The following CBLC variants were observed in gnomAD, a reference collection of about 807,000 sequenced individuals.
CBLC encodes the protein Cbl proto-oncogene C.
CBLC carries 46 observed loss-of-function variants against 58.6 expected under a neutral mutation model. That is an observed-to-expected ratio of 0.79 (90% CI 0.62 to 1.00). The LOEUF is 1.00. Among genes scored for constraint, CBLC ranks in the 50% least tolerant of loss-of-function variants. CBLC has a pLI of 0.00. For missense variants in CBLC, 655 were observed against 625.8 expected, an observed-to-expected ratio of 1.05 and a Z score of -0.50; for synonymous variants, 271 against 264.2, an observed-to-expected ratio of 1.03 and a Z score of -0.25.
rs538186534 is a variant in CBLC, at chr19:44,778,334, GC to G, written c.353+51del. ...TCCTCTGGGGTGAGGCCCAGGTCTT[GC>G]TCCCAGCCCCTCCTCCCCCAGACCC... On this transcript the variant is annotated intron_variant, in intron 1 of 10. Transcript: ENST00000647358. 4.2e-4 allele frequency: 576 copies of G among 1,357,006 alleles called. 4 individuals carry two copies. In the East Asian group the frequency reaches 5.8e-3, roughly 14 times the overall value. 84.1% of individuals were successfully genotyped at this position (1,357,006 alleles called of 1,614,324 possible). A position where few individuals can be genotyped will look rare whatever the true frequency, so the allele number is the denominator to read the frequency against.
chr19:44,793,764 CTCTGAG>C lies in CBLC; in HGVS notation c.1284+148_1284+153del. 11 of 731,998 alleles carry C rather than the reference CTCTGAG, an allele frequency of 1.5e-5. No individual in the cohort carries two copies. In the South Asian group the frequency reaches 1.6e-4, roughly 11 times the overall value. 45.3% of individuals were successfully genotyped at this position (731,998 alleles called of 1,614,324 possible). A position where few individuals can be genotyped will look rare whatever the true frequency, so the allele number is the denominator to read the frequency against. ...GAGGGAAGAGGGGTTGGAGCCTGTA[CTCTGAG>C]TCTAAGGGAGGAGGGCTGGGGGTCC... On this transcript the variant is annotated intron_variant, in intron 8 of 10. Transcript: ENST00000647358.
At chr19:44,788,135 G>C (rs1294281718) in intron 5 of CBLC, among the ~76,000 whole-genome samples, 1 of 151,028 alleles carries the variant, frequency 6.6e-6, no homozygotes, top group Non-Finnish European at 1.5e-5. Context: ...TTTTTTTTCT[G>C]TGACAGGGTC....
intron 6 of CBLC, among the ~76,000 whole-genome samples, chr19:44,792,027 C>G (rs61047334): frequency 0.016 from 2,363 of 147,582 alleles, 48 homozygotes; most frequent in East Asian, 0.076. Context: ...GAGTTTTGCT[C>G]TTGTTACCCA....
chr19:44,786,113 A>G (rs1303682720), intron 5 of CBLC, among the ~76,000 whole-genome samples: 1 of 151,874 alleles, frequency 6.6e-6, no homozygotes, highest in Non-Finnish European at 1.5e-5. Context: ...TATAGTAATT[A>G]TCTTCTATAA....
intron 5 of CBLC, among the ~76,000 whole-genome samples, chr19:44,787,603 A>C (rs1039925338): frequency 9.9e-5 from 15 of 150,858 alleles, no homozygotes; most frequent in African/African-American, 3.7e-4. Flanking sequence ...GATCACCTGA[A>C]GTCAGGAGTT....
Position 44,800,551 on chromosome 19 carries a change from G to A in CBLC, c.*8G>A, listed in dbSNP as rs1221252298. Reference sequence around the variant, plus strand: ...AACCCACCCCTCTCTCCGCCTACAGGGCACCCAGATGTGCTGCTCAAGGGA... The same window carrying A: ...AACCCACCCCTCTCTCCGCCTACAGAGCACCCAGATGTGCTGCTCAAGGGA... On this transcript the variant is annotated splice_region_variant and 3_prime_UTR_variant, in exon 11 of 11. Coordinates refer to ENST00000647358, the MANE Select transcript of CBLC (RefSeq NM_012116.4). 2 of 708,024 alleles carry A rather than the reference G, an allele frequency of 2.8e-6. No individual in the cohort carries two copies. The highest frequency in any genetic ancestry group is 4.8e-6 in the Non-Finnish European group (2 of 414,222). The allele number at this position is 708,024 out of a possible 1,614,324, so 43.9% of individuals were successfully genotyped here. A position where few individuals can be genotyped will look rare whatever the true frequency, so the allele number is the denominator to read the frequency against.
intron 7 of CBLC, 133 bp downstream of exon 7, chr19:44,792,647 C>T (rs1968085339): frequency 2.3e-6 from 2 of 871,530 alleles, no homozygotes; most frequent in South Asian, 4.1e-5. Context: ...CTGATGGCAA[C>T]CACTCAGGAG....
rs1203268191 is a variant in CBLC at position 44,789,017 on chromosome 19, C to T, written c.918-987C>T. Among the ~76,000 whole-genome samples the T allele has an allele frequency of 3.9e-5, 6 of 152,240 alleles. No homozygotes were observed. In the South Asian group the frequency reaches 1.2e-3, roughly 32 times the overall value. On this transcript the variant is annotated intron_variant, in intron 5 of 10. Coordinates refer to ENST00000647358, the MANE Select transcript of CBLC (RefSeq NM_012116.4). Reference sequence around the variant, plus strand: ...CACTAGCCTCAGGGAGTCTGAGGGTCCAATATTTCATGTGCTATACATGTC... The same window carrying T: ...CACTAGCCTCAGGGAGTCTGAGGGTTCAATATTTCATGTGCTATACATGTC...
At chr19:44,782,322 G>C (rs144592965) in intron 3 of CBLC, 48 bp from the exon 4 acceptor site, 2 of 1,610,682 alleles carry the variant, frequency 1.2e-6, no homozygotes, top group East Asian at 2.2e-5. Context: ...TTAGGGATGT[G>C]AGCTGCTTCC....
chr19:44,794,085 C>T, intron 8 of CBLC, 119 bp from the exon 9 acceptor site: 2 of 1,472,464 alleles, frequency 1.4e-6, no homozygotes, highest in Non-Finnish European at 9.0e-7. Context: ...TTGTCTTGGT[C>T]TCTGTTATAT....
intron 8 of CBLC, 198 bp from the exon 9 acceptor site, chr19:44,794,006 G>C (rs1016320790): frequency 4.7e-6 from 2 of 423,766 alleles, no homozygotes; most frequent in East Asian, 1.6e-4. Flanking sequence ...CTAGGGAACT[G>C]GTCTTTTGCT....
At chr19:44,777,880 GGCCGCCCCTATCCCA>G in exon 1 of CBLC, 1 of 1,439,508 alleles carries the variant, frequency 6.9e-7, no homozygotes, top group South Asian at 1.4e-5. Context: ...CTCTGGGCGA[GGCCGCCCCTATCCCA>G]GCCGCACCGG....
intron 9 of CBLC, among the ~76,000 whole-genome samples, chr19:44,800,093 C>G (rs1257548691): frequency 6.6e-6 from 1 of 152,190 alleles, no homozygotes; most frequent in African/African-American, 2.4e-5. Context: ...GCCGCCACCA[C>G]TGTGTCACCC....
chr19:44,781,447 G>A (rs1219107981), intron 3 of CBLC, 84 bp downstream of exon 3: 1 of 1,372,574 alleles, frequency 7.3e-7, no homozygotes, highest in East Asian at 2.3e-5. Context: ...GTCTGAGGGA[G>A]GAAGGGCCGG....
chr19:44,793,366 T>C, intron 7 of CBLC, 108 bp from the exon 8 acceptor site: 1 of 1,229,366 alleles, frequency 8.1e-7, no homozygotes, highest in Non-Finnish European at 1.1e-6. Flanking sequence ...TCCCTTCCTC[T>C]GTCTGTCTTC....
At chr19:44,793,045 G>T (rs954449803) in intron 7 of CBLC, among the ~76,000 whole-genome samples, 1 of 152,152 alleles carries the variant, frequency 6.6e-6, no homozygotes, top group East Asian at 1.9e-4. Context: ...CCAGCTGCTC[G>T]GGAGGCTGAG....
chr19:44,782,465 G>C lies in CBLC; in HGVS notation c.753G>C (p.Leu251=). 6.2e-7 allele frequency: 1 copy of C among 1,613,716 alleles called. No individual in the cohort carries two copies. The part of the protein sequence containing the change: ...FLTYDEVQER[L]QACRDKPGSY... ...CCTATGATGAGGTCCAAGAGCGTCT[G>C]CAGGCCTGCAGGGACAAGCCAGGCA... is the stretch of plus-strand genomic sequence containing the variant. Residue 251 remains leucine, a synonymous_variant, in exon 4 of 11, where the codon CTG becomes CTC. Transcript: ENST00000647358.
chr19:44,786,088 C>T (rs1232044345), intron 5 of CBLC, among the ~76,000 whole-genome samples: 1 of 152,004 alleles, frequency 6.6e-6, no homozygotes, highest in Non-Finnish European at 1.5e-5. Context: ...GTGTGAACCA[C>T]ACGCCTGGCC....
intron 1 of CBLC, among the ~76,000 whole-genome samples, 186 bp downstream of exon 1, chr19:44,778,470 CAGGGGT>C (rs2122370611): frequency 6.9e-5 from 2 of 29,136 alleles, no homozygotes; most frequent in African/African-American, 6.5e-4. Context: ...CCCTCAGACC[CAGGGGT>C]CCAGGCCCCA....
Sources: allele counts gnomAD v4.1 joint callset (sites outside exome capture counted in the v4.1 genomes callset), GRCh38; gene constraint gnomAD v4.1.1; transcripts MANE v1.5; gene names NCBI Gene and HGNC (gene_info 2026-07-23, HGNC 2026-07-21).